The following MTBP variants were observed in gnomAD, a reference collection of about 807,000 sequenced individuals.
MTBP encodes MDM2 binding protein.
In MTBP, 101 loss-of-function variants were observed where a neutral mutation model predicts 117.0. The observed-to-expected ratio is 0.86, with a 90% CI of 0.73 to 1.02. The LOEUF (loss-of-function observed/expected upper bound fraction) is 1.02, where lower values mean the gene tolerates loss of function less well. Among genes scored for constraint, MTBP ranks in the 50% least tolerant of loss-of-function variants. MTBP has a pLI of 0.00. For missense variants in MTBP, 970 were observed against 1,030.9 expected (o/e 0.94, Z 0.81); for synonymous variants, 350 against 351.5 (o/e 1.00, Z 0.05).
rs1439691293 is a variant in MTBP at position 120,466,019 on chromosome 8, T to C, written c.1047+2258T>C. On this transcript the variant is annotated intron_variant, in intron 10 of 21. Coordinates refer to ENST00000305949, the MANE Select transcript of MTBP (RefSeq NM_022045.5). ...TGTTGTATTAGATTATCATTTTTTC[T>C]TCTCAAACCATGATTGTAAAATATT... Among the ~76,000 whole-genome samples, 3 of 152,164 alleles carry C rather than the reference T, an allele frequency of 2.0e-5. No homozygotes were observed. The South Asian group carries it at 6.2e-4, about 31-fold the overall frequency.
chr8:120,516,591 C>G (rs1487343416), intron 18 of MTBP, among the ~76,000 whole-genome samples: 1 of 151,994 alleles, frequency 6.6e-6, no homozygotes, highest in Non-Finnish European at 1.5e-5. Context: ...CCATGAGGTA[C>G]CATTTTTAAA....
intron 11 of MTBP, among the ~76,000 whole-genome samples, chr8:120,483,900 G>A (rs1328467357): frequency 6.6e-6 from 1 of 151,870 alleles, no homozygotes; most frequent in Non-Finnish European, 1.5e-5. Flanking sequence ...GATGAGGCTG[G>A]AATAACTACG....
chr8:120,499,227 T>C (rs913890926), intron 14 of MTBP, among the ~76,000 whole-genome samples: 1 of 152,212 alleles, frequency 6.6e-6, no homozygotes, highest in Admixed American at 6.5e-5. Flanking sequence ...ATGTTACATT[T>C]CTTTCTTTCT....
At chr8:120,502,671 ATAGT>A in intron 15 of MTBP, 62 bp downstream of exon 15, 2 of 1,031,298 alleles carry the variant, frequency 1.9e-6, no homozygotes, top group South Asian at 3.2e-5. Context: ...ATTTTTTAAA[ATAGT>A]TAAATTATGT....
chr8:120,517,046 C>T (rs1360988383), intron 18 of MTBP, among the ~76,000 whole-genome samples: 3 of 151,820 alleles, frequency 2.0e-5, no homozygotes, highest in African/African-American at 7.2e-5. Context: ...TTATTTCTGA[C>T]CTATGGCTAA....
At chr8:120,488,699 A>G (rs1240793748) in intron 12 of MTBP, among the ~76,000 whole-genome samples, 6 of 151,942 alleles carry the variant, frequency 3.9e-5, no homozygotes, top group Non-Finnish European at 5.9e-5. Context: ...TCTTCTTCCC[A>G]GGCTTTATTA....
Position 120,523,327 on chromosome 8 carries a change from C to T in MTBP, c.2706C>T (p.Ser902=). The change falls in exon 22 of 22, where the codon AGC becomes AGT. Residue 902 remains serine (S), a synonymous_variant. Coordinates refer to ENST00000305949, the MANE Select transcript of MTBP (RefSeq NM_022045.5). ...TTGACTGGGTATTAGAAAAGACAAG[C>T]AAGAAATGATACATAATCATTCTCT... ...QVIDWVLEKT[S]KK 5 of 1,548,680 alleles carry T rather than the reference C, an allele frequency of 3.2e-6. No homozygotes were observed. Among genetic ancestry groups the T allele is most frequent in the Non-Finnish European group, 4.4e-6 (5 of 1,138,132 alleles).
chr8:120,478,842 C>T (rs755871621), intron 11 of MTBP, among the ~76,000 whole-genome samples: 3 of 152,068 alleles, frequency 2.0e-5, no homozygotes, highest in African/African-American at 2.4e-5. Context: ...AGATCGTACA[C>T]GTATGCTACG....
intron 10 of MTBP, among the ~76,000 whole-genome samples, chr8:120,468,801 A>G (rs1484967898): frequency 2.6e-5 from 4 of 152,116 alleles, no homozygotes; most frequent in African/African-American, 9.7e-5. Context: ...ATGGCAGCAG[A>G]CCAGGAAACA....
At chr8:120,448,585 T>A (rs1255555367) in intron 2 of MTBP, among the ~76,000 whole-genome samples, 1 of 152,220 alleles carries the variant, frequency 6.6e-6, no homozygotes, top group Non-Finnish European at 1.5e-5. Flanking sequence ...TGACGTACTT[T>A]AAAAGTAGTA....
rs1369383594 is a variant in MTBP at position 120,451,279 on chromosome 8, G to C, written c.382G>C (p.Glu128Gln). Residue 128 changes from glutamate to glutamine, a missense_variant, in exon 4 of 22, where the codon GAA becomes CAA. Coordinates refer to ENST00000305949, the MANE Select transcript of MTBP (RefSeq NM_022045.5). The stretch of plus-strand genomic sequence containing the variant: ...ATGTTTGGGTGCTGTTGAGTGTTTT[G>C]AAGAAGAAGACAGTAATAGCAGGGA... ...EECLGAVECF[E>Q]EEDSNSRESL... is the part of the protein sequence containing the mutation. 3 of 1,612,806 alleles carry C rather than the reference G, an allele frequency of 1.9e-6. No individual in the cohort carries two copies. In the East Asian group the frequency reaches 6.7e-5, roughly 36 times the overall value.
intron 11 of MTBP, among the ~76,000 whole-genome samples, chr8:120,479,943 T>G (rs894772471): frequency 6.6e-6 from 1 of 151,210 alleles, no homozygotes; most frequent in Non-Finnish European, 1.5e-5. Flanking sequence ...TCTAAATGAG[T>G]AGAAGGAAAG....
chr8:120,462,825 C>T (rs1813607683), intron 9 of MTBP, among the ~76,000 whole-genome samples: 2 of 152,126 alleles, frequency 1.3e-5, no homozygotes. Context: ...CCTCCTACTG[C>T]AACCAGAGCA....
intron 11 of MTBP, among the ~76,000 whole-genome samples, chr8:120,483,004 T>G (rs1021029442): frequency 8.9e-5 from 13 of 145,878 alleles, no homozygotes; most frequent in Non-Finnish European, 1.4e-4. Context: ...CGGACAGTAC[T>G]ATCTTTTTTT....
intron 15 of MTBP, 21 bp from the exon 16 acceptor site, chr8:120,506,685 T>C: frequency 6.4e-7 from 1 of 1,555,842 alleles, no homozygotes; most frequent in Non-Finnish European, 8.7e-7. Flanking sequence ...TTAATAAATC[T>C]GCATAACATT....
At chr8:120,457,424 C>T (rs984065475) in intron 7 of MTBP, among the ~76,000 whole-genome samples, 1 of 152,050 alleles carries the variant, frequency 6.6e-6, no homozygotes, top group African/African-American at 2.4e-5. Context: ...CTTTTGAGTT[C>T]CTCTAAAGTT....
intron 9 of MTBP, 101 bp from the exon 10 acceptor site, chr8:120,463,591 A>T (rs1480085015): frequency 1.1e-6 from 1 of 946,786 alleles, no homozygotes; most frequent in Non-Finnish European, 1.6e-6. Context: ...TTAATAGATG[A>T]ATTTAAGCAA....
rs1813800228 is a variant in MTBP at position 120,470,800 on chromosome 8, A to C, written c.1048-20A>C. The C allele has an allele frequency of 1.5e-5, 22 of 1,499,298 alleles. 1 individual carries two copies. Among genetic ancestry groups the C allele is most frequent in the Non-Finnish European group, 1.9e-5 (21 of 1,080,948 alleles). 92.9% of individuals were successfully genotyped at this position (1,499,298 alleles called of 1,614,324 possible). On this transcript the variant is annotated intron_variant, in intron 10 of 21. Transcript: ENST00000305949. ...GAATCTCAATGTGCAATCAATAAAA[A>C]TATGGTCTGTTTTATTCAGGTTGGT...
chr8:120,446,022 A>G lies in MTBP; in HGVS notation c.119-411A>G, dbSNP rs117621269. On this transcript the variant is annotated intron_variant, in intron 1 of 21. Coordinates refer to ENST00000305949, the MANE Select transcript of MTBP (RefSeq NM_022045.5). ...ACCTAAGTTTTAAAAACAAATGATGAATTTTAAATGATTTTAATTGTTTGC... is the reference window on the plus strand; with the variant it reads ...ACCTAAGTTTTAAAAACAAATGATGGATTTTAAATGATTTTAATTGTTTGC... Among the ~76,000 whole-genome samples the G allele has an allele frequency of 2.7e-3, 414 of 152,246 alleles. 3 individuals are homozygous for G. The highest frequency in any genetic ancestry group is 5.0e-3 in the Non-Finnish European group (339 of 68,016).
Sources: allele counts gnomAD v4.1 joint callset (sites outside exome capture counted in the v4.1 genomes callset), GRCh38; gene constraint gnomAD v4.1.1; transcripts MANE v1.5; gene names NCBI Gene and HGNC (gene_info 2026-07-23, HGNC 2026-07-21).